Variants in PTBP3 observed in about 807,000 individuals in gnomAD.
PTBP3 encodes the protein polypyrimidine tract-binding protein 3.
Under a neutral mutation model 58.7 loss-of-function variants are expected in PTBP3, and 20 were observed. That is an observed-to-expected ratio of 0.34 (90% CI 0.24 to 0.50). The LOEUF is 0.50. PTBP3 is among the 20% of genes least tolerant of loss of function. The probability of loss-of-function intolerance (pLI) is 0.98; values close to 1 mark genes in which losing one functional copy is unlikely to be tolerated. For synonymous variants in PTBP3, 185 were observed against 219.8 expected (o/e 0.84, Z 1.40); for missense variants, 509 against 637.2 (o/e 0.80, Z 2.17).
the PTBP3 span, among the ~76,000 whole-genome samples, chr9:112,375,929 C>T: frequency 6.6e-6 from 1 of 152,024 alleles, no homozygotes; most frequent in Non-Finnish European, 1.5e-5. Context: ...GGGTCTTGCT[C>T]CAAAATCCTA....
the PTBP3 span, chr9:112,379,848 G>A: frequency 5.8e-6 from 3 of 514,210 alleles, no homozygotes; most frequent in African/African-American, 4.1e-5. Context: ...GACGCTAGGC[G>A]CCGACAGGAG....
intron 1 of PTBP3, among the ~76,000 whole-genome samples, chr9:112,299,769 A>C (rs1172443303): frequency 2.0e-5 from 3 of 152,218 alleles, no homozygotes; most frequent in Non-Finnish European, 2.9e-5. Flanking sequence ...TGGAACATGA[A>C]TGGACATGAC....
chr9:112,232,081 T>A lies in PTBP3; in HGVS notation c.1020+18A>T, dbSNP rs748762534. Reference sequence around the variant, plus strand: ...CTTCTCCTGAAAGACTATTTACATATAATACTTTTCAACTCACATCAGGAT... The same window carrying A: ...CTTCTCCTGAAAGACTATTTACATAAAATACTTTTCAACTCACATCAGGAT... On this transcript the variant is annotated intron_variant, in intron 9 of 13. Transcript: ENST00000374257. 6 of 1,593,950 alleles carry A rather than the reference T, an allele frequency of 3.8e-6. No homozygotes were observed. In the African/African-American group the frequency reaches 6.8e-5, roughly 18 times the overall value.
intron 3 of PTBP3, among the ~76,000 whole-genome samples, chr9:112,272,361 A>G (rs1390954940): frequency 1.3e-5 from 2 of 152,172 alleles, no homozygotes; most frequent in Non-Finnish European, 1.5e-5. Flanking sequence ...CACTGTGCCC[A>G]GCCTTTGTCG....
At chr9:112,229,013 A>C (rs934549596) in intron 10 of PTBP3, among the ~76,000 whole-genome samples, 1 of 152,132 alleles carries the variant, frequency 6.6e-6, no homozygotes, top group African/African-American at 2.4e-5. Flanking sequence ...GTGTTCCCCA[A>C]AGTGGGTCCC....
At chr9:112,327,281 G>A (rs1247154453) in intron 1 of PTBP3, among the ~76,000 whole-genome samples, 1 of 151,844 alleles carries the variant, frequency 6.6e-6, no homozygotes, top group Non-Finnish European at 1.5e-5. Flanking sequence ...ATTACATGAA[G>A]AAGGCCGGGC....
upstream of PTBP3, among the ~76,000 whole-genome samples, chr9:112,333,851 C>T (rs1164965264): frequency 6.7e-6 from 1 of 149,874 alleles, no homozygotes; most frequent in Non-Finnish European, 1.5e-5. Context: ...CTCGGCCCCT[C>T]GGCCCGGCGC....
chr9:112,314,504 T>C (rs954510236), intron 1 of PTBP3, among the ~76,000 whole-genome samples: 3 of 152,102 alleles, frequency 2.0e-5, no homozygotes, highest in Admixed American at 1.3e-4. Context: ...GAGATCGGCC[T>C]GCACAACAGA....
intron 1 of PTBP3, among the ~76,000 whole-genome samples, chr9:112,332,540 T>C (rs1830416509): frequency 6.6e-6 from 1 of 151,716 alleles, no homozygotes; most frequent in South Asian, 2.1e-4. Context: ...ATAAACCGAG[T>C]TGGAGATTTT....
At chr9:112,308,451 A>G (rs1222165985) in intron 1 of PTBP3, among the ~76,000 whole-genome samples, 2 of 152,098 alleles carry the variant, frequency 1.3e-5, no homozygotes, top group African/African-American at 4.8e-5. Flanking sequence ...GACTACTTCA[A>G]TATAAAATGA....
At chr9:112,345,341 TAAAAAAAAAAAAAAAAAAAAA>T in the PTBP3 span, among the ~76,000 whole-genome samples, 2 of 63,698 alleles carry the variant, frequency 3.1e-5, no homozygotes, top group Non-Finnish European at 2.9e-5. Flanking sequence ...CCCTCATCTC[TAAAAAAAAAAAAAAAAAAAAA>T]AAAAAAAAGG....
At chr9:112,359,271 T>C in the PTBP3 span, among the ~76,000 whole-genome samples, 2 of 151,096 alleles carry the variant, frequency 1.3e-5, no homozygotes, top group Non-Finnish European at 2.9e-5. Flanking sequence ...TGAAACCCCA[T>C]CTTTACTAAA....
intron 7 of PTBP3, among the ~76,000 whole-genome samples, chr9:112,246,754 A>G (rs2132054903): frequency 6.6e-6 from 1 of 152,136 alleles, no homozygotes; most frequent in African/African-American, 2.4e-5. Flanking sequence ...GGTATTTATC[A>G]TCTCAATCAG....
intron 1 of PTBP3, among the ~76,000 whole-genome samples, chr9:112,330,254 A>G (rs1312021830): frequency 1.3e-5 from 2 of 152,202 alleles, no homozygotes; most frequent in Admixed American, 1.3e-4. Context: ...CATTTTATAC[A>G]CATAATACTA....
Position 112,254,069 on chromosome 9 carries a change from T to C in PTBP3, c.517-1281A>G, listed in dbSNP as rs149441149. Reference sequence around the variant, plus strand: ...ACTATGGTACAATCATGGCTCACTGTAGGCTCCACCTCCCAGGCTCATGCG... The same window carrying C: ...ACTATGGTACAATCATGGCTCACTGCAGGCTCCACCTCCCAGGCTCATGCG... On this transcript the variant is annotated intron_variant, in intron 5 of 13. Coordinates refer to ENST00000374257, the MANE Select transcript of PTBP3 (RefSeq NM_001163788.4). 3.8e-3 allele frequency among the ~76,000 whole-genome samples: 579 copies of C among 152,288 alleles called. 5 individuals are homozygous for C. Among genetic ancestry groups the C allele is most frequent in the African/African-American group, 0.013 (556 of 41,572 alleles).
At chr9:112,333,019 C>T (rs921172282) in intron 1 of PTBP3, 10 of 1,274,834 alleles carry the variant, frequency 7.8e-6, no homozygotes, top group Admixed American at 8.2e-5. Context: ...GGCCGCTCGC[C>T]CCACCTCGCC....
At chr9:112,337,085 A>G (rs1378873797), upstream of PTBP3, among the ~76,000 whole-genome samples, 1 of 152,238 alleles carries the variant, frequency 6.6e-6, no homozygotes, top group African/African-American at 2.4e-5. Context: ...GCTGGAGTGC[A>G]GTAGCGCGAT....
intron 5 of PTBP3, among the ~76,000 whole-genome samples, chr9:112,258,165 G>A (rs750955382): frequency 1.6e-4 from 25 of 152,154 alleles, no homozygotes; most frequent in Non-Finnish European, 8.8e-5. Context: ...CCTTTGTCCA[G>A]AAGAGATTTA....
Position 112,220,162 on chromosome 9 carries a change from T to C in PTBP3, c.*3689A>G, listed in dbSNP as rs1178804536. The C allele has an allele frequency of 1.5e-6, 2 of 1,324,084 alleles. No homozygotes were observed. Among genetic ancestry groups the C allele is most frequent in the Admixed American group, 2.1e-5 (1 of 47,888 alleles). 82.0% of individuals were successfully genotyped at this position (1,324,084 alleles called of 1,614,324 possible). The stretch of plus-strand genomic sequence containing the variant: ...TAAGGGATAGGTGGGGAAAAACACA[T>C]GTACTTTTGTCAATTTTTTGTCCAA... On this transcript the variant is annotated 3_prime_UTR_variant, in exon 14 of 14. Coordinates refer to ENST00000374257, the MANE Select transcript of PTBP3 (RefSeq NM_001163788.4).
Sources: allele counts gnomAD v4.1 joint callset (sites outside exome capture counted in the v4.1 genomes callset), GRCh38; gene constraint gnomAD v4.1.1; transcripts MANE v1.5; gene names NCBI Gene and HGNC (gene_info 2026-07-23, HGNC 2026-07-21).